RFX2: variants seen among roughly 807,000 people sequenced by gnomAD.
RFX2 encodes DNA-binding protein RFX2.
RFX2 carries 20 observed loss-of-function variants against 87.8 expected under a neutral mutation model. That is an observed-to-expected ratio of 0.23 (90% CI 0.16 to 0.33). The LOEUF is 0.33. RFX2 is among the 10% of genes least tolerant of loss of function. The pLI is 1.00. For synonymous variants in RFX2, 397 were observed against 431.3 expected (o/e 0.92, Z 0.98); for missense variants, 767 against 1,012.3 (o/e 0.76, Z 3.29).
At chr19:6,091,782 C>A (rs1045211251) in intron 1 of RFX2, among the ~76,000 whole-genome samples, 15 of 152,186 alleles carry the variant, frequency 9.9e-5, no homozygotes, top group Non-Finnish European at 1.9e-4. Flanking sequence ...GTTTCAGGAA[C>A]TCTGAGTCTA....
Position 5,994,763 on chromosome 19 carries a change from C to T in RFX2, c.*72G>A, listed in dbSNP as rs545414485. ...CTAAGAGGCACTAATTTGGTGGAGC[C>T]GGTGAAATCCAGGTTCCCAGAGTGA... is the stretch of plus-strand genomic sequence containing the variant. On this transcript the variant is annotated 3_prime_UTR_variant, in exon 18 of 18. Transcript: ENST00000303657. 4.2e-5 allele frequency: 41 copies of T among 975,898 alleles called. No individual in the cohort carries two copies. The highest frequency in any genetic ancestry group is 8.0e-5 in the African/African-American group (5 of 62,762). 60.5% of individuals were successfully genotyped at this position (975,898 alleles called of 1,614,324 possible).
At chr19:6,003,778 CAAAAAAAAA>C (rs57470328) in intron 13 of RFX2, among the ~76,000 whole-genome samples, 1,069 of 41,922 alleles carry the variant, frequency 0.025, 30 homozygotes, top group Admixed American at 0.074. Flanking sequence ...GACTCTGTCT[CAAAAAAAAA>C]AAAAAAAAAA....
intron 5 of RFX2, among the ~76,000 whole-genome samples, chr19:6,034,320 C>T (rs1015955395): frequency 1.3e-4 from 20 of 151,890 alleles, no homozygotes; most frequent in African/African-American, 4.8e-5. Flanking sequence ...CCTCCGCCTC[C>T]CGGGTTCAAG....
chr19:6,009,861 T>C (rs2086637764), intron 9 of RFX2, among the ~76,000 whole-genome samples: 1 of 152,262 alleles, frequency 6.6e-6, no homozygotes, highest in Admixed American at 6.5e-5. Context: ...CCGCCTGTCC[T>C]CTAGTGTTCT....
At chr19:6,100,770 T>G (rs909499852) in intron 1 of RFX2, among the ~76,000 whole-genome samples, 11 of 151,402 alleles carry the variant, frequency 7.3e-5, no homozygotes, top group African/African-American at 2.7e-4. Context: ...GCATGCTGAG[T>G]CTCTCCAATG....
Position 6,026,090 on chromosome 19 carries a change from C to T in RFX2, c.597+73G>A. On this transcript the variant is annotated intron_variant, in intron 6 of 17. Coordinates refer to ENST00000303657, the MANE Select transcript of RFX2 (RefSeq NM_000635.4). This position sits in a 1 kb window ranked among gnomAD's most constrained non-coding sequence, Gnocchi z 4.5. ...GTGAGCCACCGCACCTGGTTGCCTT[C>T]ATTTGTCTTAAAAATGTCTATGCAG... 7.4e-7 allele frequency: 1 copy of T among 1,360,192 alleles called. No individual in the cohort carries two copies. 84.3% of individuals were successfully genotyped at this position (1,360,192 alleles called of 1,614,324 possible).
intron 5 of RFX2, among the ~76,000 whole-genome samples, chr19:6,034,253 G>A (rs528863659): frequency 2.8e-5 from 4 of 141,488 alleles, no homozygotes; most frequent in African/African-American, 5.3e-5. Context: ...TTTTTGAGAC[G>A]GAGTCTCATT....
chr19:6,018,464 C>T (rs1274880421), intron 6 of RFX2, among the ~76,000 whole-genome samples: 1 of 152,210 alleles, frequency 6.6e-6, no homozygotes, highest in Admixed American at 6.5e-5. Flanking sequence ...GAACGTTTCA[C>T]AGGAGGACAA....
chr19:6,041,050 A>G (rs529230209), intron 4 of RFX2, among the ~76,000 whole-genome samples: 7 of 152,280 alleles, frequency 4.6e-5, no homozygotes, highest in Admixed American at 1.3e-4. Flanking sequence ...TTTTACCCCA[A>G]TGTCAATTTC....
intron 12 of RFX2, among the ~76,000 whole-genome samples, chr19:6,005,157 A>G (rs929141640): frequency 6.6e-6 from 1 of 152,168 alleles, no homozygotes; most frequent in African/African-American, 2.4e-5. Flanking sequence ...AAGATACCCC[A>G]AACTCCCACC....
intron 5 of RFX2, among the ~76,000 whole-genome samples, chr19:6,036,615 T>C (rs1393747579): frequency 6.6e-6 from 1 of 152,234 alleles, no homozygotes; most frequent in Non-Finnish European, 1.5e-5. Context: ...TTCATTATAT[T>C]AACACCCCAA....
intron 12 of RFX2, 24 bp downstream of exon 12, chr19:6,006,988 C>A (rs534159582): frequency 6.2e-7 from 1 of 1,611,852 alleles, no homozygotes; most frequent in Non-Finnish European, 8.5e-7. Context: ...GGAGCAGCGC[C>A]GGGCGGGGCC....
chr19:6,077,563 G>A (rs1365678384), intron 1 of RFX2, among the ~76,000 whole-genome samples: 2 of 152,202 alleles, frequency 1.3e-5, no homozygotes, highest in African/African-American at 4.8e-5. Context: ...AATTCATCCT[G>A]CAGAAGTAGA....
At chr19:6,103,562 C>G (rs2088161167) in intron 1 of RFX2, among the ~76,000 whole-genome samples, 1 of 152,160 alleles carries the variant, frequency 6.6e-6, no homozygotes. Flanking sequence ...GGAAACCAGT[C>G]TTAAAATGTT....
rs1320805139 is a variant in RFX2, at chr19:6,040,945, T to A, written c.261-704A>T. On this transcript the variant is annotated intron_variant, in intron 4 of 17. Transcript: ENST00000303657. This position sits in a 1 kb window ranked among gnomAD's most constrained non-coding sequence, Gnocchi z 6.1. ...ACATGCAAGGGTACACACATGAACA[T>A]GCAAAGCCACATGTACTCCACATGC... Among the ~76,000 whole-genome samples the A allele has an allele frequency of 6.6e-6, 1 of 152,114 alleles. No homozygotes were observed. Among genetic ancestry groups the A allele is most frequent in the East Asian group, 1.9e-4 (1 of 5,198 alleles).
chr19:6,079,048 T>A (rs1264621003), intron 1 of RFX2, among the ~76,000 whole-genome samples: 1 of 152,266 alleles, frequency 6.6e-6, no homozygotes, highest in African/African-American at 2.4e-5. Flanking sequence ...AGTGCTGGAA[T>A]TATAGGCGTG....
chr19:6,015,575 A>G (rs942110253), intron 7 of RFX2, among the ~76,000 whole-genome samples: 22 of 151,848 alleles, frequency 1.4e-4, no homozygotes, highest in African/African-American at 5.3e-4. Context: ...CGCAGCCTCA[A>G]CCTCCTGGGC....
chr19:6,104,462 G>A (rs1342882301), intron 1 of RFX2, among the ~76,000 whole-genome samples: 4 of 151,574 alleles, frequency 2.6e-5, no homozygotes, highest in Non-Finnish European at 4.4e-5. Flanking sequence ...CCAGCTACTC[G>A]GGAGGCTGAG....
At position 6,007,242 on chromosome 19, in the gene RFX2, G is replaced by A; in HGVS notation, c.1248-76C>T. Reference sequence around the variant, plus strand: ...ACTCAGCCACGGGAGCGAGCAGAGAGCCGGGCTGCGGGACTTTTGCCCAAC... The same window carrying A: ...ACTCAGCCACGGGAGCGAGCAGAGAACCGGGCTGCGGGACTTTTGCCCAAC... On this transcript the variant is annotated intron_variant, in intron 11 of 17. Transcript: ENST00000303657. This position sits in a 1 kb window ranked among gnomAD's most constrained non-coding sequence, Gnocchi z 8.2. 1 of 1,489,760 alleles carries A rather than the reference G, an allele frequency of 6.7e-7. No homozygotes were observed. 92.3% of individuals were successfully genotyped at this position (1,489,760 alleles called of 1,614,324 possible).
Sources: gnomAD v4.1 joint callset for allele counts (sites outside exome capture counted in the v4.1 genomes callset) on GRCh38, gnomAD v4.1.1 for gene constraint, Gnocchi (gnomAD v3.1) non-coding constraint, MANE v1.5 for transcripts, NCBI Gene and HGNC (gene_info 2026-07-23, HGNC 2026-07-21) for gene names.